CCSER1: variants seen among roughly 807,000 people sequenced by gnomAD.
CCSER1 encodes the protein coiled-coil serine rich protein 1.
In CCSER1, 41 loss-of-function variants were observed where a neutral mutation model predicts 82.0. The ratio of observed to expected loss-of-function variants is 0.50; its 90% CI spans 0.39 to 0.65. The LOEUF (loss-of-function observed/expected upper bound fraction) is 0.65, where lower values mean the gene tolerates loss of function less well. CCSER1 is among the 30% of genes least tolerant of loss of function. The pLI, the probability that CCSER1 is intolerant of heterozygous loss-of-function variation, is 0.00. For missense variants in CCSER1, 1,119 were observed against 1,064.2 expected (o/e 1.05, Z -0.72); for synonymous variants, 414 against 383.9 (o/e 1.08, Z -0.92).
intron 10 of CCSER1, among the ~76,000 whole-genome samples, chr4:91,526,314 T>G (rs978272700): frequency 3.9e-5 from 6 of 152,196 alleles, no homozygotes; most frequent in African/African-American, 1.4e-4. Context: ...ATTTTAAATC[T>G]ACCTACAAGC....
At chr4:91,282,561 A>T (rs763385870) in intron 10 of CCSER1, among the ~76,000 whole-genome samples, 2 of 152,146 alleles carry the variant, frequency 1.3e-5, no homozygotes, top group Middle Eastern at 3.2e-3. Flanking sequence ...ATTCCAATAG[A>T]CCATAACCTC....
At position 91,429,327 on chromosome 4, in the gene CCSER1, A is replaced by T. The variant is rs183621167; in HGVS notation, c.2218-169245A>T. ...AAGTACGTTCAAATGCATCTTGCAG[A>T]ATAATATATGATGGAACAATAATCT... On this transcript the variant is annotated intron_variant, in intron 10 of 10. Coordinates refer to ENST00000509176, the MANE Select transcript of CCSER1 (RefSeq NM_001145065.2). 4.4e-4 allele frequency among the ~76,000 whole-genome samples: 67 copies of T among 152,106 alleles called. 3 individuals carry two copies. Among genetic ancestry groups the T allele is most frequent in the Admixed American group, 4.4e-3 (67 of 15,280 alleles).
rs1764729861 is a variant in CCSER1 at position 91,599,370 on chromosome 4, G to GAT, written c.*316_*317dup. 1 of 199,558 alleles carries GAT rather than the reference G, an allele frequency of 5.0e-6. No individual in the cohort carries two copies. The highest frequency in any genetic ancestry group is 1.0e-5 in the Non-Finnish European group (1 of 98,638). 12.4% of individuals were successfully genotyped at this position (199,558 alleles called of 1,614,324 possible). On this transcript the variant is annotated 3_prime_UTR_variant, in exon 11 of 11. Transcript: ENST00000509176. ...TTATTTTTTATCTCTATCACTTACTGATATGCATTAAGGTTTCAGAAGATA... is the reference window on the plus strand; with the variant it reads ...TTATTTTTTATCTCTATCACTTACTGATATATGCATTAAGGTTTCAGAAGATA...
intron 5 of CCSER1, among the ~76,000 whole-genome samples, chr4:90,605,018 A>T (rs1480154954): frequency 6.6e-6 from 1 of 151,878 alleles, no homozygotes; most frequent in Non-Finnish European, 1.5e-5. Flanking sequence ...CACGTGTGGG[A>T]GGTTTGTTCT....
At chr4:91,297,385 A>ATGTGTGTGTGTGTGTGTG (rs57164334) in intron 10 of CCSER1, among the ~76,000 whole-genome samples, 33 of 118,066 alleles carry the variant, frequency 2.8e-4, no homozygotes, top group South Asian at 1.0e-3. Flanking sequence ...GTGTGTGTGT[A>ATGTGTGTGTGTGTGTGTG]TGTGTGTGTG....
At chr4:90,392,092 G>GTTTT (rs1751269159) in intron 3 of CCSER1, among the ~76,000 whole-genome samples, 3 of 151,750 alleles carry the variant, frequency 2.0e-5, no homozygotes, top group Admixed American at 6.6e-5. Context: ...TATTATTTTT[G>GTTTT]TTTTTCTTCT....
chr4:90,598,994 G>A (rs1450712235), intron 5 of CCSER1, among the ~76,000 whole-genome samples: 1 of 152,156 alleles, frequency 6.6e-6, no homozygotes, highest in Non-Finnish European at 1.5e-5. Context: ...CAGTGGCTCT[G>A]GGTTCAGAAC....
intron 1 of CCSER1, among the ~76,000 whole-genome samples, chr4:90,246,713 A>G (rs6821342): frequency 0.045 from 6,798 of 152,286 alleles, 392 homozygotes; most frequent in African/African-American, 0.13. Context: ...AAAGTTTAAT[A>G]TATAAATTAG....
chr4:91,495,283 T>C lies in CCSER1; in HGVS notation c.2218-103289T>C, dbSNP rs1758740362. 3.3e-5 allele frequency among the ~76,000 whole-genome samples: 5 copies of C among 151,600 alleles called. No homozygotes were observed. In the Admixed American group the frequency reaches 3.3e-4, roughly 10 times the overall value. ...TAATGCAAACTATACATGTTTTCTG[T>C]ATATTGTTGAGGTATATAAATACTT... On this transcript the variant is annotated intron_variant, in intron 10 of 10. Transcript: ENST00000509176.
At chr4:91,216,934 G>A (rs1310007239) in intron 10 of CCSER1, among the ~76,000 whole-genome samples, 1 of 152,150 alleles carries the variant, frequency 6.6e-6, no homozygotes, top group Non-Finnish European at 1.5e-5. Flanking sequence ...CCAAGATTTA[G>A]GGGGTATTGT....
rs538494888 is a variant in CCSER1, at chr4:90,702,323, C to T, written c.1933-21591C>T. ...AGCCTTGCATCCCAGGGATGAAGCC[C>T]ACTTGATCATGGTGGATAAGCTTTT... On this transcript the variant is annotated intron_variant, in intron 6 of 10. Transcript: ENST00000509176. Among the ~76,000 whole-genome samples the T allele has an allele frequency of 1.4e-4, 22 of 152,180 alleles. 1 individual carries two copies. In the South Asian group the frequency reaches 4.6e-3, roughly 32 times the overall value.
chr4:90,602,619 T>C (rs1446212267), intron 5 of CCSER1, among the ~76,000 whole-genome samples: 1 of 152,196 alleles, frequency 6.6e-6, no homozygotes, highest in Non-Finnish European at 1.5e-5. Flanking sequence ...CACATTTTCA[T>C]GGATTTGACC....
chr4:91,328,847 G>C (rs1746749051), intron 10 of CCSER1, among the ~76,000 whole-genome samples: 1 of 152,090 alleles, frequency 6.6e-6, no homozygotes, highest in Non-Finnish European at 1.5e-5. Context: ...GGACCACGTA[G>C]AGATAGTTGA....
chr4:91,306,913 T>C (rs1745108973), intron 10 of CCSER1, among the ~76,000 whole-genome samples: 1 of 152,010 alleles, frequency 6.6e-6, no homozygotes. Context: ...TGACTTTTTA[T>C]TAAAGGCACA....
chr4:91,064,627 C>T (rs1277553455), intron 9 of CCSER1, among the ~76,000 whole-genome samples: 11 of 152,176 alleles, frequency 7.2e-5, no homozygotes, highest in Non-Finnish European at 1.5e-4. Flanking sequence ...ATTCCAGACT[C>T]CCAGAAGGAA....
chr4:91,078,798 A>G (rs1020698629), intron 9 of CCSER1, among the ~76,000 whole-genome samples: 3 of 152,258 alleles, frequency 2.0e-5, no homozygotes, highest in African/African-American at 7.2e-5. Context: ...AAGCTTCAAT[A>G]GCAGATTTAA....
chr4:91,051,378 G>A lies in CCSER1; in HGVS notation c.2173-34572G>A, dbSNP rs578228738. Among the ~76,000 whole-genome samples the A allele has an allele frequency of 2.6e-5, 4 of 152,200 alleles. No homozygotes were observed. The East Asian group carries it at 7.7e-4, about 29-fold the overall frequency. On this transcript the variant is annotated intron_variant, in intron 9 of 10. Coordinates refer to ENST00000509176, the MANE Select transcript of CCSER1 (RefSeq NM_001145065.2). ...ATTTAACAGAATAATTTTAAAATCA[G>A]TAACATCAATTGCTATTGGGGATGC...
At chr4:90,805,518 G>T (rs1554017506) in intron 7 of CCSER1, among the ~76,000 whole-genome samples, 3 of 152,200 alleles carry the variant, frequency 2.0e-5, no homozygotes, top group Non-Finnish European at 1.5e-5. Flanking sequence ...GTCATGCAGA[G>T]TCATCATATT....
intron 9 of CCSER1, among the ~76,000 whole-genome samples, chr4:91,055,460 A>G (rs187024351): frequency 1.3e-5 from 2 of 152,206 alleles, no homozygotes; most frequent in East Asian, 3.9e-4. Context: ...TATTTTAGCT[A>G]TATCATCCCA....
Sources: gnomAD v4.1 joint callset for allele counts (sites outside exome capture counted in the v4.1 genomes callset) on GRCh38, gnomAD v4.1.1 for gene constraint, MANE v1.5 for transcripts, NCBI Gene and HGNC (gene_info 2026-07-23, HGNC 2026-07-21) for gene names.